Variants in MAPK9 observed in about 807,000 individuals in gnomAD.
MAPK9 encodes the protein mitogen-activated protein kinase 9.
Under a neutral mutation model 57.1 loss-of-function variants are expected in MAPK9, and 30 were observed. The ratio of observed to expected loss-of-function variants is 0.53; its 90% CI spans 0.39 to 0.71. The LOEUF (loss-of-function observed/expected upper bound fraction) is 0.71. Among genes scored for constraint, MAPK9 ranks in the 30% least tolerant of loss-of-function variants. The pLI is 0.00. For synonymous variants in MAPK9, 155 were observed against 177.0 expected (o/e 0.88, Z 0.99); for missense variants, 362 against 521.0 (o/e 0.69, Z 2.97).
chr5:180,264,926 GA>G (rs905033547), intron 3 of MAPK9, 87 bp from the exon 4 acceptor site: 26 of 1,090,782 alleles, frequency 2.4e-5, no homozygotes, highest in East Asian at 1.9e-4. Context: ...ATTAAGACGG[GA>G]AAAAAATCAC....
At chr5:180,274,599 C>T (rs984670637) in intron 2 of MAPK9, among the ~76,000 whole-genome samples, 1 of 152,210 alleles carries the variant, frequency 6.6e-6, no homozygotes, top group African/African-American at 2.4e-5. Flanking sequence ...ACTCTGCCAA[C>T]AGGCTGAAGG....
Position 180,247,850 on chromosome 5 carries a change from G to A in MAPK9, c.617-340C>T, listed in dbSNP as rs1758277046. 1 of 1,614,028 alleles carries A rather than the reference G, an allele frequency of 6.2e-7. No homozygotes were observed. The highest frequency in any genetic ancestry group is 8.5e-7 in the Non-Finnish European group (1 of 1,179,936). The stretch of plus-strand genomic sequence containing the variant: ...GCCAAGTACCGGGTCCCCTGTGAAG[G>A]ATACAGTCTCTTCCCGGGAACAGGA... On this transcript the variant is annotated intron_variant, in intron 6 of 11. Coordinates refer to ENST00000452135, the MANE Select transcript of MAPK9 (RefSeq NM_002752.5). This position sits in a 1 kb window ranked among gnomAD's most constrained non-coding sequence, Gnocchi z 4.5.
At chr5:180,250,999 A>C (rs1581197356) in intron 5 of MAPK9, among the ~76,000 whole-genome samples, 2 of 152,236 alleles carry the variant, frequency 1.3e-5, no homozygotes, top group East Asian at 3.8e-4. Context: ...GAGTATGACA[A>C]GAACAGGCAT....
intron 5 of MAPK9, among the ~76,000 whole-genome samples, chr5:180,260,417 G>A (rs1366215531): frequency 6.6e-6 from 1 of 152,014 alleles, no homozygotes; most frequent in Admixed American, 6.6e-5. Flanking sequence ...TAAGGAATTT[G>A]GAAAGCCTGA....
At chr5:180,284,406 C>T (rs1762567930) in intron 1 of MAPK9, among the ~76,000 whole-genome samples, 1 of 152,180 alleles carries the variant, frequency 6.6e-6, no homozygotes, top group Non-Finnish European at 1.5e-5. Context: ...GGTCTGCCTC[C>T]CTTCCAGGCT....
Position 180,251,289 on chromosome 5 carries a change from C to T in MAPK9, c.451-2151G>A, listed in dbSNP as rs35431359. 2.0e-4 allele frequency among the ~76,000 whole-genome samples: 30 copies of T among 152,202 alleles called. No individual in the cohort carries two copies. In the East Asian group the frequency reaches 5.4e-3, roughly 28 times the overall value. On this transcript the variant is annotated intron_variant, in intron 5 of 11. Transcript: ENST00000452135. Reference sequence around the variant, plus strand: ...CCCAGCCCACCCAGAACTAACAGCACGGCCGCAGGAGCAAGGAAGACAAGG... The same window carrying T: ...CCCAGCCCACCCAGAACTAACAGCATGGCCGCAGGAGCAAGGAAGACAAGG...
At chr5:180,277,724 G>A (rs1761951315) in intron 2 of MAPK9, among the ~76,000 whole-genome samples, 1 of 152,170 alleles carries the variant, frequency 6.6e-6, no homozygotes, top group African/African-American at 2.4e-5. Context: ...AAATATGATA[G>A]AAAATCCAAT....
In MAPK9 at chr5:180,247,651, A is replaced by G. The variant is rs1198695547; in HGVS notation, c.617-141T>C. ...AAGGGTGACATTTTACACAATATGA[A>G]TGATTGCTGACCTCTATTTTAGCCT... On this transcript the variant is annotated intron_variant, in intron 6 of 11. Transcript: ENST00000452135. This position sits in a 1 kb window ranked among gnomAD's most constrained non-coding sequence, Gnocchi z 4.5. The G allele has an allele frequency of 4.2e-6, 4 of 949,014 alleles. No individual in the cohort carries two copies. Among genetic ancestry groups the G allele is most frequent in the African/African-American group, 3.2e-5 (2 of 61,554 alleles). The allele number at this position is 949,014 out of a possible 1,614,324, so 58.8% of individuals were successfully genotyped here.
chr5:180,281,385 TGA>T (rs1762302503), intron 1 of MAPK9, among the ~76,000 whole-genome samples: 1 of 152,262 alleles, frequency 6.6e-6, no homozygotes, highest in Admixed American at 6.5e-5. Context: ...AGGCACAGGC[TGA>T]GACTGCTGCT....
intron 6 of MAPK9, among the ~76,000 whole-genome samples, chr5:180,248,555 A>C (rs1285440445): frequency 6.6e-6 from 1 of 152,182 alleles, no homozygotes; most frequent in Non-Finnish European, 1.5e-5. Flanking sequence ...CATCAAATTC[A>C]AAAAAACAAT....
intron 2 of MAPK9, among the ~76,000 whole-genome samples, chr5:180,270,693 A>G (rs1761177823): frequency 6.6e-6 from 1 of 152,034 alleles, no homozygotes; most frequent in Non-Finnish European, 1.5e-5. Context: ...TGTACAAAAA[A>G]TACAAAGATT....
At chr5:180,268,109 C>T (rs1348669381) in intron 3 of MAPK9, among the ~76,000 whole-genome samples, 1 of 152,128 alleles carries the variant, frequency 6.6e-6, no homozygotes, top group Non-Finnish European at 1.5e-5. Flanking sequence ...CAGGCGTGAG[C>T]CACTGCACCC....
intron 1 of MAPK9, among the ~76,000 whole-genome samples, chr5:180,282,520 C>T (rs976571537): frequency 2.0e-5 from 3 of 152,178 alleles, no homozygotes; most frequent in South Asian, 2.1e-4. Flanking sequence ...AAGACAAGGA[C>T]GGCTTCAAGG....
intron 5 of MAPK9, among the ~76,000 whole-genome samples, chr5:180,255,079 G>A (rs1759127608): frequency 6.6e-6 from 1 of 152,236 alleles, no homozygotes; most frequent in South Asian, 2.1e-4. Context: ...CATGCTAGAT[G>A]CCTTGCTACC....
chr5:180,275,244 G>T (rs1342799582), intron 2 of MAPK9, among the ~76,000 whole-genome samples: 2 of 152,028 alleles, frequency 1.3e-5, no homozygotes, highest in Admixed American at 1.3e-4. Flanking sequence ...CTAATATGAT[G>T]CTGTCTTCTT....
At chr5:180,285,623 T>C (rs1187668248) in intron 1 of MAPK9, among the ~76,000 whole-genome samples, 1 of 152,154 alleles carries the variant, frequency 6.6e-6, no homozygotes, top group Non-Finnish European at 1.5e-5. Flanking sequence ...TTTTTTTCAT[T>C]AAATTGTTCT....
chr5:180,255,273 CA>C (rs1459543130), intron 5 of MAPK9, among the ~76,000 whole-genome samples: 1 of 151,938 alleles, frequency 6.6e-6, no homozygotes, highest in Non-Finnish European at 1.5e-5. Flanking sequence ...TGCGTCCCAC[CA>C]AAACAAGGGG....
chr5:180,239,945 G>A lies in MAPK9; in HGVS notation c.1039C>T (p.His347Tyr). ...TTACCTTTCCATTCTTCAATTGCAT[G>A]TTCTCTTTCTTCCAACTGGGCATCA... ...IYDAQLEEREHAIEEWKELIY... is the reference protein window; with the variant it reads ...IYDAQLEEREYAIEEWKELIY... Residue 347 changes from histidine (H) to tyrosine (Y), a missense_variant, in exon 10 of 12, where the codon CAT (histidine) becomes TAT (tyrosine). By Grantham distance (83) the His-to-Tyr change is moderately conservative. Around this residue, in one of 3 missense-constraint regions of MAPK9, gnomAD observed 199 missense variants for 251.3 expected, o/e 0.79. Coordinates refer to ENST00000452135, the MANE Select transcript of MAPK9 (RefSeq NM_002752.5). 1.2e-6 allele frequency: 2 copies of A among 1,613,594 alleles called. No homozygotes were observed. Among genetic ancestry groups the A allele is most frequent in the Non-Finnish European group, 1.7e-6 (2 of 1,179,780 alleles).
intron 5 of MAPK9, among the ~76,000 whole-genome samples, chr5:180,255,827 G>A (rs2127590552): frequency 6.6e-6 from 1 of 152,220 alleles, no homozygotes; most frequent in East Asian, 1.9e-4. Context: ...ATTTCAATAT[G>A]GAAATAGAGA....
Sources: gnomAD v4.1 joint callset for allele counts (sites outside exome capture counted in the v4.1 genomes callset) on GRCh38, gnomAD v4.1.1 for gene constraint, gnomAD v4.1.1 regional missense constraint, Gnocchi (gnomAD v3.1) non-coding constraint, MANE v1.5 for transcripts, NCBI Gene and HGNC (gene_info 2026-07-23, HGNC 2026-07-21) for gene names.